The following DENND1A variants were observed in gnomAD, a reference collection of about 807,000 sequenced individuals.
The protein encoded by DENND1A is DENN domain containing 1A.
A neutral mutation model predicts 113.7 loss-of-function variants in DENND1A; 51 were observed. The ratio of observed to expected loss-of-function variants is 0.45; its 90% CI spans 0.36 to 0.57. DENND1A has a LOEUF of 0.57. DENND1A is among the 20% of genes least tolerant of loss of function. The pLI, the probability that DENND1A is intolerant of heterozygous loss-of-function variation, is 0.00. For missense variants in DENND1A, 1,258 were observed against 1,395.9 expected (o/e 0.90, Z 1.57); for synonymous variants, 565 against 570.8 (o/e 0.99, Z 0.14).
intron 9 of DENND1A, among the ~76,000 whole-genome samples, chr9:123,638,058 C>T (rs954017167): frequency 2.0e-5 from 3 of 152,064 alleles, no homozygotes; most frequent in African/African-American, 7.2e-5. Context: ...CTTACACAGG[C>T]AATCAACCGC....
At chr9:123,914,725 CAAGG>C (rs1208198975) in intron 1 of DENND1A, among the ~76,000 whole-genome samples, 1 of 151,692 alleles carries the variant, frequency 6.6e-6, no homozygotes, top group Non-Finnish European at 1.5e-5. Flanking sequence ...GAGAGTGAAA[CAAGG>C]GAGGGAGGGG....
chr9:123,784,032 T>G (rs923307974), intron 3 of DENND1A, among the ~76,000 whole-genome samples: 2 of 151,418 alleles, frequency 1.3e-5, no homozygotes, highest in African/African-American at 4.9e-5. Flanking sequence ...GAGGTAGGAG[T>G]TGCAGGACAG....
intron 13 of DENND1A, among the ~76,000 whole-genome samples, chr9:123,504,883 C>T (rs1168015221): frequency 6.6e-6 from 1 of 152,186 alleles, no homozygotes; most frequent in Non-Finnish European, 1.5e-5. Context: ...TCCATAATGA[C>T]ACCAACATGT....
intron 13 of DENND1A, among the ~76,000 whole-genome samples, chr9:123,509,346 A>T (rs2053246152): frequency 6.6e-6 from 1 of 152,360 alleles, no homozygotes; most frequent in South Asian, 2.1e-4. Flanking sequence ...GGAGAGTCAG[A>T]CAGGTCTGTC....
At chr9:123,881,497 A>G (rs1588066889) in intron 1 of DENND1A, among the ~76,000 whole-genome samples, 1 of 152,220 alleles carries the variant, frequency 6.6e-6, no homozygotes, top group Admixed American at 6.5e-5. Flanking sequence ...TCAGAATTTC[A>G]TTCCTTTGGA....
chr9:123,666,228 A>T (rs2063486695), intron 8 of DENND1A, among the ~76,000 whole-genome samples: 2 of 152,258 alleles, frequency 1.3e-5, no homozygotes, highest in African/African-American at 2.4e-5. Flanking sequence ...CCACAATTTT[A>T]AAAAAGTAAT....
chr9:123,490,814 G>A (rs2051307757), intron 13 of DENND1A, among the ~76,000 whole-genome samples: 2 of 152,226 alleles, frequency 1.3e-5, no homozygotes, highest in Admixed American at 6.5e-5. Context: ...ACAGGAAACT[G>A]CTGTGTATTC....
intron 12 of DENND1A, among the ~76,000 whole-genome samples, chr9:123,570,540 C>T (rs2058300013): frequency 6.6e-6 from 1 of 152,160 alleles, no homozygotes; most frequent in African/African-American, 2.4e-5. Context: ...GGGGGCAAGA[C>T]TGGCAGTCCA....
intron 1 of DENND1A, among the ~76,000 whole-genome samples, chr9:123,913,627 C>A (rs972196938): frequency 6.6e-6 from 1 of 152,146 alleles, no homozygotes; most frequent in African/African-American, 2.4e-5. Flanking sequence ...AAAATCCGAC[C>A]GGGCATGGTG....
chr9:123,842,486 G>A (rs1473668168), intron 2 of DENND1A, among the ~76,000 whole-genome samples: 1 of 152,030 alleles, frequency 6.6e-6, no homozygotes, highest in Non-Finnish European at 1.5e-5. Flanking sequence ...AAAAGAGAGA[G>A]AGAGAATGCT....
intron 2 of DENND1A, among the ~76,000 whole-genome samples, chr9:123,857,164 C>G (rs1844342253): frequency 6.6e-6 from 1 of 151,742 alleles, no homozygotes; most frequent in Non-Finnish European, 1.5e-5. Context: ...GGGAAAATGG[C>G]AGATTTCATG....
chr9:123,473,873 C>T (rs113877146), intron 13 of DENND1A, among the ~76,000 whole-genome samples: 1 of 151,940 alleles, frequency 6.6e-6, no homozygotes, highest in Non-Finnish European at 1.5e-5. Flanking sequence ...ATGGGGAGGA[C>T]GCAGGCTTCG....
At chr9:123,675,005 A>C (rs1040998521) in intron 6 of DENND1A, among the ~76,000 whole-genome samples, 5 of 152,240 alleles carry the variant, frequency 3.3e-5, no homozygotes, top group South Asian at 2.1e-4. Context: ...ACTGTGAATC[A>C]GAAATAGATG....
chr9:123,836,339 G>C (rs1292220216), intron 2 of DENND1A, among the ~76,000 whole-genome samples: 2 of 152,132 alleles, frequency 1.3e-5, no homozygotes, highest in Non-Finnish European at 2.9e-5. Flanking sequence ...TAACAAGACT[G>C]AAGGAAATCA....
intron 13 of DENND1A, among the ~76,000 whole-genome samples, chr9:123,498,338 T>G (rs74734006): frequency 4.3e-4 from 65 of 152,334 alleles, no homozygotes; most frequent in Admixed American, 1.1e-3. Context: ...GGAAGTAACT[T>G]GTATAAAGAG....
intron 13 of DENND1A, among the ~76,000 whole-genome samples, chr9:123,463,139 A>T (rs2048667765): frequency 6.6e-6 from 1 of 152,212 alleles, no homozygotes. Context: ...GGCTGATAGC[A>T]GTGTTAATTC....
chr9:123,401,261 G>A (rs2043439406), intron 21 of DENND1A: 1 of 156,440 alleles, frequency 6.4e-6, no homozygotes, highest in African/African-American at 2.4e-5. Context: ...AGTTGGTCCT[G>A]CCAGCTGGAG....
intron 2 of DENND1A, among the ~76,000 whole-genome samples, chr9:123,858,847 A>T (rs1844660433): frequency 6.6e-6 from 1 of 152,256 alleles, no homozygotes; most frequent in Non-Finnish European, 1.5e-5. Context: ...TAGTTAAAAG[A>T]TTAAAAATAC....
At chr9:123,491,060 CGGTTAGT>C (rs2051329972) in intron 13 of DENND1A, among the ~76,000 whole-genome samples, 1 of 152,310 alleles carries the variant, frequency 6.6e-6, no homozygotes, top group Non-Finnish European at 1.5e-5. Flanking sequence ...GGAGTGAGAA[CGGTTAGT>C]GGAAAAGAAC....
Sources: gnomAD v4.1 joint callset for allele counts (sites outside exome capture counted in the v4.1 genomes callset) on GRCh38, gnomAD v4.1.1 for gene constraint, MANE v1.5 for transcripts, NCBI Gene and HGNC (gene_info 2026-07-23, HGNC 2026-07-21) for gene names.